DSCAML1: variants seen among roughly 807,000 people sequenced by gnomAD.
The protein encoded by DSCAML1 is DS cell adhesion molecule like 1.
Under a neutral mutation model 200.5 loss-of-function variants are expected in DSCAML1, and 38 were observed. The ratio of observed to expected loss-of-function variants is 0.19; its 90% CI spans 0.15 to 0.25. The LOEUF (loss-of-function observed/expected upper bound fraction) is 0.25. Among genes scored for constraint, DSCAML1 ranks in the 10% least tolerant of loss-of-function variants. The pLI is 1.00. For missense variants in DSCAML1, 2,223 were observed against 2,858.8 expected (o/e 0.78, Z 5.07); for synonymous variants, 1,215 against 1,165.0 (o/e 1.04, Z -0.87).
In DSCAML1 at chr11:117,482,246, G is replaced by A. The variant is rs372693555; in HGVS notation, c.2360-84C>T. ...ACGCGTGCCCTGCGCAGAAGCCCCC[G>A]CCCCAGCCCTCCTCCCCCAGGAGAG... On this transcript the variant is annotated intron_variant, in intron 11 of 32. Coordinates refer to ENST00000651296, the MANE Select transcript of DSCAML1 (RefSeq NM_020693.4). The A allele has an allele frequency of 1.4e-5, 21 of 1,477,440 alleles. No homozygotes were observed. The East Asian group carries it at 1.7e-4, about 12-fold the overall frequency. 91.5% of individuals were successfully genotyped at this position (1,477,440 alleles called of 1,614,324 possible).
intron 8 of DSCAML1, among the ~76,000 whole-genome samples, chr11:117,513,192 T>C (rs1388025653): frequency 6.6e-6 from 1 of 152,090 alleles, no homozygotes; most frequent in Non-Finnish European, 1.5e-5. Context: ...AGGAGGCAGG[T>C]TGAGCTGTGT....
intron 11 of DSCAML1, among the ~76,000 whole-genome samples, chr11:117,497,196 A>C (rs1279531490): frequency 6.6e-6 from 1 of 152,144 alleles, no homozygotes; most frequent in Non-Finnish European, 1.5e-5. Flanking sequence ...GACCCCTCTG[A>C]ATAGAGGAGC....
At chr11:117,568,380 C>A (rs373547503) in intron 3 of DSCAML1, among the ~76,000 whole-genome samples, 1 of 152,062 alleles carries the variant, frequency 6.6e-6, no homozygotes, top group Non-Finnish European at 1.5e-5. Flanking sequence ...CCAGGGCAAT[C>A]AGGCAGGAGA....
intron 3 of DSCAML1, among the ~76,000 whole-genome samples, chr11:117,727,629 G>C (rs1166915563): frequency 6.7e-6 from 1 of 148,894 alleles, no homozygotes; most frequent in African/African-American, 2.4e-5. Context: ...CAGGGATCAG[G>C]AGTCCCCACA....
At position 117,503,362 on chromosome 11, in the gene DSCAML1, G is replaced by A. The variant is rs181944041; in HGVS notation, c.2359+483C>T. On this transcript the variant is annotated intron_variant, in intron 11 of 32. Coordinates refer to ENST00000651296, the MANE Select transcript of DSCAML1 (RefSeq NM_020693.4). This position sits in a 1 kb window ranked among gnomAD's most constrained non-coding sequence, Gnocchi z 5.2. ...GGAGCACAGGGAGGGGGAGTGACTC[G>A]CCCAAGGTCACTCAGCTCATCAGGC... is the stretch of plus-strand genomic sequence containing the variant. 1.3e-3 allele frequency among the ~76,000 whole-genome samples: 204 copies of A among 152,236 alleles called. No individual in the cohort carries two copies. The highest frequency in any genetic ancestry group is 2.2e-3 in the Non-Finnish European group (148 of 68,002).
chr11:117,484,353 A>G (rs1422985176), intron 11 of DSCAML1, among the ~76,000 whole-genome samples: 1 of 151,820 alleles, frequency 6.6e-6, no homozygotes, highest in Non-Finnish European at 1.5e-5. Flanking sequence ...ACAGCAAGCC[A>G]CCTCCTCTGC....
At chr11:117,641,018 A>G (rs2052395443) in intron 3 of DSCAML1, among the ~76,000 whole-genome samples, 1 of 152,218 alleles carries the variant, frequency 6.6e-6, no homozygotes, top group South Asian at 2.1e-4. Context: ...GGTCTGTACT[A>G]TTTTATTTTG....
chr11:117,703,802 T>C (rs907492245), intron 3 of DSCAML1, among the ~76,000 whole-genome samples: 1 of 152,096 alleles, frequency 6.6e-6, no homozygotes, highest in Non-Finnish European at 1.5e-5. Context: ...ACCTGATACC[T>C]AGAGGTGGCC....
chr11:117,450,496 G>A, intron 20 of DSCAML1, 53 bp downstream of exon 20: 1 of 1,590,358 alleles, frequency 6.3e-7, no homozygotes, highest in Non-Finnish European at 8.6e-7. Flanking sequence ...GATGTACAAG[G>A]TCCCTTTTCT....
chr11:117,563,201 G>C (rs1484916749), intron 3 of DSCAML1, among the ~76,000 whole-genome samples: 1 of 152,186 alleles, frequency 6.6e-6, no homozygotes, highest in Non-Finnish European at 1.5e-5. Context: ...TTTATTTAAT[G>C]TGTTTATTTC....
intron 12 of DSCAML1, 102 bp downstream of exon 12, chr11:117,481,861 C>T: frequency 2.2e-6 from 3 of 1,372,578 alleles, no homozygotes; most frequent in East Asian, 2.4e-5. Flanking sequence ...TGGGGAGGGG[C>T]TCCCAGGCTC....
At chr11:117,611,999 GACACAGACACAC>G (rs2051703820) in intron 3 of DSCAML1, 2 of 152,248 alleles carry the variant, frequency 1.3e-5, no homozygotes, top group East Asian at 1.9e-4. Flanking sequence ...CACACAAACA[GACACAGACACAC>G]ACAGAGACAC....
At chr11:117,431,901 A>G (rs1208478458) in intron 30 of DSCAML1, among the ~76,000 whole-genome samples, 173 bp from the exon 31 acceptor site, 1 of 151,686 alleles carries the variant, frequency 6.6e-6, no homozygotes, top group East Asian at 1.9e-4. Flanking sequence ...AGAGGAGAAG[A>G]GCAATCGAGT....
rs747493485 is a variant in DSCAML1 at position 117,443,942 on chromosome 11, G to T, written c.3806C>A (p.Thr1269Asn). 1.5e-5 allele frequency: 25 copies of T among 1,613,402 alleles called. No homozygotes were observed. The highest frequency in any genetic ancestry group is 2.1e-5 in the Non-Finnish European group (25 of 1,179,856). The change falls in exon 21 of 33, where the codon ACC becomes AAC. Residue 1269 changes from threonine (T) to asparagine (N), a missense_variant. This residue lies in a region of DSCAML1 where 614 missense variants were observed against 739.1 expected (regional missense o/e 0.83). Transcript: ENST00000651296. The part of the protein sequence containing the change: ...QQYLLWVAAV[T>N]SAGRGNSSEK... ...GCTGCTGTTGCCCCGGCCGGCAGAG[G>T]TGACGGCGGCCACCCACAGCAGATA...
chr11:117,514,146 G>A (rs1372293646), intron 8 of DSCAML1, among the ~76,000 whole-genome samples: 1 of 152,202 alleles, frequency 6.6e-6, no homozygotes, highest in Non-Finnish European at 1.5e-5. Flanking sequence ...CCCCATGCCA[G>A]AGCCCCTTCC....
chr11:117,606,410 G>A (rs1283305269), intron 3 of DSCAML1, among the ~76,000 whole-genome samples: 1 of 152,180 alleles, frequency 6.6e-6, no homozygotes, highest in Non-Finnish European at 1.5e-5. Context: ...CTCCGCTTGT[G>A]AATAGCTCTG....
At chr11:117,769,539 TTA>T (rs1555030212) in intron 3 of DSCAML1, among the ~76,000 whole-genome samples, 2 of 70,002 alleles carry the variant, frequency 2.9e-5, no homozygotes, top group East Asian at 6.2e-4. Context: ...TTTATATATA[TTA>T]TATATTTTAT....
intron 3 of DSCAML1, among the ~76,000 whole-genome samples, chr11:117,658,675 T>C (rs1364550702): frequency 6.6e-6 from 1 of 152,138 alleles, no homozygotes; most frequent in Non-Finnish European, 1.5e-5. Flanking sequence ...CAGAAGAGTG[T>C]AATATAAGCA....
intron 1 of DSCAML1, among the ~76,000 whole-genome samples, chr11:117,784,976 C>A (rs1246843564): frequency 6.6e-6 from 1 of 152,212 alleles, no homozygotes; most frequent in East Asian, 1.9e-4. Context: ...CCCTGCAGCT[C>A]TGCAGAATTC....
Sources: gnomAD v4.1 joint callset for allele counts (sites outside exome capture counted in the v4.1 genomes callset) on GRCh38, gnomAD v4.1.1 for gene constraint, gnomAD v4.1.1 regional missense constraint, Gnocchi (gnomAD v3.1) non-coding constraint, MANE v1.5 for transcripts, NCBI Gene and HGNC (gene_info 2026-07-23, HGNC 2026-07-21) for gene names.